The following DHRS12 variants were observed in gnomAD, a reference collection of about 807,000 sequenced individuals.
DHRS12 encodes the protein dehydrogenase/reductase SDR family member 12.
In DHRS12, 29 loss-of-function variants were observed where a neutral mutation model predicts 32.1. The ratio of observed to expected loss-of-function variants is 0.90; its 90% CI spans 0.67 to 1.23. DHRS12 has a LOEUF of 1.23. Among genes scored for constraint, DHRS12 ranks in the 50% most tolerant of loss-of-function variants. The pLI, the probability that DHRS12 is intolerant of heterozygous loss-of-function variation, is 0.00. For missense variants in DHRS12, 330 were observed against 337.2 expected (o/e 0.98, Z 0.17); for synonymous variants, 150 against 135.9 (o/e 1.10, Z -0.72).
intron 8 of DHRS12, chr13:51,768,851 C>T (rs1487535842): frequency 1.5e-6 from 2 of 1,345,686 alleles, no homozygotes; most frequent in African/African-American, 1.5e-5. Flanking sequence ...TGAATAGCGC[C>T]CCTCCTGGGC....
At chr13:51,772,494 G>A (rs1954077148) in intron 6 of DHRS12, among the ~76,000 whole-genome samples, 1 of 152,138 alleles carries the variant, frequency 6.6e-6, no homozygotes, top group Non-Finnish European at 1.5e-5. Context: ...GTAGTGGTGG[G>A]CAAATCAAAA....
At chr13:51,774,147 G>T (rs1190773814) in intron 5 of DHRS12, 113 bp from the exon 6 acceptor site, 2 of 835,618 alleles carry the variant, frequency 2.4e-6, no homozygotes, top group Non-Finnish European at 3.9e-6. Flanking sequence ...AAAATTAGTG[G>T]CTTGAAGCAA....
intron 1 of DHRS12, among the ~76,000 whole-genome samples, chr13:51,801,030 G>A (rs2139444202): frequency 6.6e-6 from 1 of 152,258 alleles, no homozygotes; most frequent in South Asian, 2.1e-4. Flanking sequence ...TACTAGCTGT[G>A]CCATCTTGTG....
downstream of DHRS12, chr13:51,763,831 A>T (rs1953663898): frequency 6.6e-6 from 1 of 152,222 alleles, no homozygotes. Flanking sequence ...TTTGCCTGAT[A>T]TTAATCACTT....
chr13:51,760,812 ACGC>A, the DHRS12 span: 1 of 152,324 alleles, frequency 6.6e-6, no homozygotes, highest in East Asian at 1.9e-4. Flanking sequence ...TGAGAATCTG[ACGC>A]CACCGCTGAT....
At chr13:51,756,894 A>G in the DHRS12 span, among the ~76,000 whole-genome samples, 1 of 152,206 alleles carries the variant, frequency 6.6e-6, no homozygotes, top group African/African-American at 2.4e-5. Context: ...CAAGAGGCAA[A>G]TATTCCCAGT....
chr13:51,764,588 C>T (rs527548993), downstream of DHRS12: 2 of 152,510 alleles, frequency 1.3e-5, no homozygotes, highest in Admixed American at 1.3e-4. Context: ...CTGCTGCTCC[C>T]TGGCCTCAGA....
In DHRS12 at chr13:51,786,278, T is replaced by A. The variant is rs481133; in HGVS notation, c.301+3733A>T. On this transcript the variant is annotated intron_variant, in intron 4 of 8. Coordinates refer to ENST00000444610, the MANE Select transcript of DHRS12 (RefSeq NM_001377533.1). ...ATCAGTGTCCTCGTCTTGTGTCCTGTGGTGAGAGAGGCTAAGATGCGGGTG... is the reference window on the plus strand; with the variant it reads ...ATCAGTGTCCTCGTCTTGTGTCCTGAGGTGAGAGAGGCTAAGATGCGGGTG... 2.6e-5 allele frequency among the ~76,000 whole-genome samples: 4 copies of A among 152,344 alleles called. 1 individual carries two copies. The South Asian group carries it at 8.3e-4, about 32-fold the overall frequency.
At chr13:51,757,335 G>A in the DHRS12 span, among the ~76,000 whole-genome samples, 1 of 152,044 alleles carries the variant, frequency 6.6e-6, no homozygotes, top group African/African-American at 2.4e-5. Flanking sequence ...TCATTTTGTA[G>A]CTAAAGACAT....
At chr13:51,795,855 T>G (rs574386863) in intron 2 of DHRS12, among the ~76,000 whole-genome samples, 1 of 152,250 alleles carries the variant, frequency 6.6e-6, no homozygotes, top group African/African-American at 2.4e-5. Flanking sequence ...ACACATACCT[T>G]GGGGTTCATA....
chr13:51,800,767 G>C (rs545999449), intron 1 of DHRS12, among the ~76,000 whole-genome samples: 1 of 152,236 alleles, frequency 6.6e-6, no homozygotes, highest in Non-Finnish European at 1.5e-5. Context: ...TCATTGCCAC[G>C]GGGCAGGCAT....
the DHRS12 span, among the ~76,000 whole-genome samples, chr13:51,759,123 G>C: frequency 6.6e-6 from 1 of 152,216 alleles, no homozygotes; most frequent in African/African-American, 2.4e-5. Context: ...CGAGGCTGCA[G>C]TGAGCCATGA....
At chr13:51,786,755 T>A (rs1319474898) in intron 4 of DHRS12, among the ~76,000 whole-genome samples, 1 of 152,200 alleles carries the variant, frequency 6.6e-6, no homozygotes, top group Non-Finnish European at 1.5e-5. Flanking sequence ...CAGTGATAAA[T>A]CCTGCGAATG....
chr13:51,794,818 T>C (rs1234198068), intron 2 of DHRS12, among the ~76,000 whole-genome samples: 1 of 150,990 alleles, frequency 6.6e-6, no homozygotes, highest in Admixed American at 6.6e-5. Context: ...ATGTTACCCA[T>C]GGAGATAACT....
intron 2 of DHRS12, among the ~76,000 whole-genome samples, chr13:51,795,549 C>T (rs531858717): frequency 1.2e-4 from 19 of 152,212 alleles, no homozygotes; most frequent in South Asian, 1.0e-3. Context: ...GGGAACTGAA[C>T]GCAGGGATTG....
intron 7 of DHRS12, chr13:51,771,570 C>A: frequency 6.3e-7 from 1 of 1,574,900 alleles, no homozygotes; most frequent in Non-Finnish European, 8.6e-7. Context: ...GCGCCCCAGG[C>A]GCACCTGCTC....
chr13:51,768,824 C>T, intron 8 of DHRS12: 1 of 1,294,826 alleles, frequency 7.7e-7, no homozygotes, highest in Non-Finnish European at 9.8e-7. Flanking sequence ...TCCGTTACTC[C>T]CTTTGCAGTG....
intron 2 of DHRS12, among the ~76,000 whole-genome samples, chr13:51,793,992 G>A (rs1207030649): frequency 6.6e-6 from 1 of 152,214 alleles, no homozygotes; most frequent in African/African-American, 2.4e-5. Context: ...AATCAGCCAC[G>A]GAGCTGGTGA....
the DHRS12 span, chr13:51,760,105 T>C: frequency 4.5e-6 from 1 of 224,652 alleles, no homozygotes; most frequent in Non-Finnish European, 8.7e-6. Context: ...CTTGTTGCTT[T>C]GTCAGAGAAA....
Sources: allele counts gnomAD v4.1 joint callset (sites outside exome capture counted in the v4.1 genomes callset), GRCh38; gene constraint gnomAD v4.1.1; transcripts MANE v1.5; gene names NCBI Gene and HGNC (gene_info 2026-07-23, HGNC 2026-07-21).